SUMO3: variants seen among roughly 807,000 people sequenced by gnomAD.
The protein encoded by SUMO3 is small ubiquitin-related modifier 3.
A neutral mutation model predicts 11.1 loss-of-function variants in SUMO3; 2 were observed. The observed-to-expected ratio is 0.18, with a 90% confidence interval of 0.07 to 0.57. The LOEUF (loss-of-function observed/expected upper bound fraction) is 0.57, where lower values mean the gene tolerates loss of function less well. Among genes scored for constraint, SUMO3 ranks in the 20% least tolerant of loss-of-function variants. The pLI is 0.92. For synonymous variants in SUMO3, 56 were observed against 53.5 expected (o/e 1.05, Z -0.20); for missense variants, 70 against 132.8 (o/e 0.53, Z 2.32).
intron 3 of SUMO3, among the ~76,000 whole-genome samples, chr21:44,808,727 A>T (rs2083193221): frequency 6.6e-6 from 1 of 152,196 alleles, no homozygotes; most frequent in Non-Finnish European, 1.5e-5. Flanking sequence ...CCTAAGCTGC[A>T]CACGGGCTAC....
chr21:44,806,894 G>A lies in SUMO3; in HGVS notation c.*57C>T, dbSNP rs776123573. 2.7e-5 allele frequency: 44 copies of A among 1,608,484 alleles called. No individual in the cohort carries two copies. The Admixed American group carries it at 2.9e-4, about 10-fold the overall frequency. ...ACACCTTTGTGGTCGGCATGGTCAC[G>A]TGCTCACCATTCAACAGCAATGCGA... is the stretch of plus-strand genomic sequence containing the variant. On this transcript the variant is annotated 3_prime_UTR_variant, in exon 4 of 4. Transcript: ENST00000332859.
At chr21:44,808,604 C>G in intron 3 of SUMO3, 1 of 1,369,584 alleles carries the variant, frequency 7.3e-7, no homozygotes, top group South Asian at 1.9e-5. Flanking sequence ...TTCATGTCTG[C>G]ATGTGCCTGA....
At position 44,811,446 on chromosome 21, in the gene SUMO3, C is replaced by A. The variant is rs1241150632; in HGVS notation, c.151-2328G>T. 6.6e-6 allele frequency among the ~76,000 whole-genome samples: 1 copy of A among 151,940 alleles called. No individual in the cohort carries two copies. Among genetic ancestry groups the A allele is most frequent in the East Asian group, 1.9e-4 (1 of 5,194 alleles). On this transcript the variant is annotated intron_variant, in intron 2 of 3. Coordinates refer to ENST00000332859, the MANE Select transcript of SUMO3 (RefSeq NM_006936.3). The surrounding 1 kb of genome is among the most constrained non-coding windows in gnomAD (Gnocchi z 5.0). ...AATGAGCCAGGCGTGGTGGCGTGTA[C>A]CTGGAGTCCCACCTACTCGGGAGGC... is the stretch of plus-strand genomic sequence containing the variant.
chr21:44,816,690 G>A (rs2083245448), intron 1 of SUMO3, among the ~76,000 whole-genome samples: 1 of 152,094 alleles, frequency 6.6e-6, no homozygotes, highest in Non-Finnish European at 1.5e-5. Flanking sequence ...CTCCCGAGAA[G>A]GAATGGCCAG....
intron 2 of SUMO3, 77 bp from the exon 3 acceptor site, chr21:44,809,195 G>A: frequency 7.0e-7 from 1 of 1,423,138 alleles, no homozygotes; most frequent in South Asian, 1.2e-5. Context: ...TAGTCTCACT[G>A]ACAAGCCCTG....
Position 44,807,823 on chromosome 21 carries a change from C to G in SUMO3, c.223-783G>C, listed in dbSNP as rs965501134. On this transcript the variant is annotated intron_variant, in intron 3 of 3. Transcript: ENST00000332859. The surrounding 1 kb of genome is among the most constrained non-coding windows in gnomAD (Gnocchi z 4.3). ...TCTCGGTCCACCTGTCCACAGCCAGCCCCCTGACCCCCAGTCAAGCCCCAG... is the reference window on the plus strand; with the variant it reads ...TCTCGGTCCACCTGTCCACAGCCAGGCCCCTGACCCCCAGTCAAGCCCCAG... 2.0e-5 allele frequency among the ~76,000 whole-genome samples: 3 copies of G among 152,190 alleles called. No individual in the cohort carries two copies. The highest frequency in any genetic ancestry group is 4.8e-5 in the African/African-American group (2 of 41,456).
Position 44,806,606 on chromosome 21 carries a change from T to G in SUMO3, c.*345A>C. The G allele has an allele frequency of 6.5e-6, 2 of 307,046 alleles. No homozygotes were observed. Among genetic ancestry groups the G allele is most frequent in the Non-Finnish European group, 6.1e-6 (1 of 164,162 alleles). The allele number at this position is 307,046 out of a possible 1,614,324, so 19.0% of individuals were successfully genotyped here. On this transcript the variant is annotated 3_prime_UTR_variant, in exon 4 of 4. Coordinates refer to ENST00000332859, the MANE Select transcript of SUMO3 (RefSeq NM_006936.3). ...AGGGGAGAGGCAACCAACTCAGGAG[T>G]CAGATCCCTGGCCAGACTAAAAGCG...
chr21:44,812,528 G>T (rs1004770476), intron 2 of SUMO3, among the ~76,000 whole-genome samples: 1 of 152,232 alleles, frequency 6.6e-6, no homozygotes, highest in African/African-American at 2.4e-5. Flanking sequence ...GCCATGCAGT[G>T]TCTCAAAGAC....
At position 44,817,955 on chromosome 21, in the gene SUMO3, T is replaced by G. The variant is rs1031147238; in HGVS notation, c.14A>C (p.Lys5Thr). Residue 5 changes from lysine (K) to threonine (T), a missense_variant, in exon 1 of 4, where the codon AAG (lysine) becomes ACG (threonine). Physicochemically the swap from Lys to Thr is moderately conservative, Grantham distance 78. Coordinates refer to ENST00000332859, the MANE Select transcript of SUMO3 (RefSeq NM_006936.3). Reference sequence around the variant, plus strand: ...CGGGGTCGCCGCGCTTACCTTGGGCTTCTCCTCGGACATGGCTGCGCGAGC... The same window carrying G: ...CGGGGTCGCCGCGCTTACCTTGGGCGTCTCCTCGGACATGGCTGCGCGAGC... MSEE[K>T]PKEGVKTEND... 2 of 1,066,894 alleles carry G rather than the reference T, an allele frequency of 1.9e-6. No individual in the cohort carries two copies. The highest frequency in any genetic ancestry group is 6.5e-5 in the African/African-American group (2 of 30,570). 66.1% of individuals were successfully genotyped at this position (1,066,894 alleles called of 1,614,324 possible).
chr21:44,813,220 A>G (rs2083222822), intron 2 of SUMO3, among the ~76,000 whole-genome samples: 1 of 152,214 alleles, frequency 6.6e-6, no homozygotes, highest in Non-Finnish European at 1.5e-5. Flanking sequence ...AGCAGCCTCT[A>G]GGTCCCACTC....
rs897570963 is a variant in SUMO3, at chr21:44,813,960, G to C, written c.150+16C>G. The C allele has an allele frequency of 1.1e-5, 17 of 1,608,382 alleles. No individual in the cohort carries two copies. The highest frequency in any genetic ancestry group is 1.4e-5 in the Non-Finnish European group (16 of 1,179,928). ...GCGCACACGGGGAGGCTCTGCGGGG[G>C]AGCAAGGTGCCGCACCTGCCTCTCG... On this transcript the variant is annotated intron_variant, in intron 2 of 3. Transcript: ENST00000332859.
chr21:44,812,649 TAGA>T (rs2083219045), intron 2 of SUMO3, among the ~76,000 whole-genome samples: 1 of 152,078 alleles, frequency 6.6e-6, no homozygotes, highest in African/African-American at 2.4e-5. Context: ...CCCAAGTTTC[TAGA>T]AGGATTTGAA....
At chr21:44,815,791 C>T (rs2083240346) in intron 1 of SUMO3, among the ~76,000 whole-genome samples, 1 of 72,954 alleles carries the variant, frequency 1.4e-5, no homozygotes, top group Non-Finnish European at 2.6e-5. Flanking sequence ...AGTGCCTCTG[C>T]TCCAAACAGA....
chr21:44,818,026 C>A lies in SUMO3; in HGVS notation c.-58G>T. On this transcript the variant is annotated 5_prime_UTR_variant, in exon 1 of 4. Transcript: ENST00000332859. ...GGGAAGCAGCGCGGAGCGGGCGAGT[C>A]ACGCTCTCGGCCCCGCCGCTCTCCC... 1 of 1,163,666 alleles carries A rather than the reference C, an allele frequency of 8.6e-7. No individual in the cohort carries two copies. Among genetic ancestry groups the A allele is most frequent in the Non-Finnish European group, 1.1e-6 (1 of 941,308 alleles). 72.1% of individuals were successfully genotyped at this position (1,163,666 alleles called of 1,614,324 possible).
intron 1 of SUMO3, among the ~76,000 whole-genome samples, chr21:44,816,741 G>A (rs1251191328): frequency 1.3e-5 from 2 of 152,098 alleles, no homozygotes; most frequent in African/African-American, 2.4e-5. Flanking sequence ...ACTGAGACTG[G>A]AGGGAGGCAC....
intron 2 of SUMO3, among the ~76,000 whole-genome samples, chr21:44,813,129 G>A (rs1569308882): frequency 6.6e-6 from 1 of 152,220 alleles, no homozygotes; most frequent in Non-Finnish European, 1.5e-5. Context: ...GAAAGAGGAG[G>A]AAATCTAACT....
Position 44,813,400 on chromosome 21 carries a change from G to A in SUMO3, c.150+576C>T, listed in dbSNP as rs573872479. Reference sequence around the variant, plus strand: ...AGAACAACAGACACACACACACCACGTCACAAACAGCAGCCAGAAGGCATC... The same window carrying A: ...AGAACAACAGACACACACACACCACATCACAAACAGCAGCCAGAAGGCATC... On this transcript the variant is annotated intron_variant, in intron 2 of 3. Transcript: ENST00000332859. 2.6e-4 allele frequency: 49 copies of A among 187,612 alleles called. 1 individual carries two copies. The East Asian group carries it at 4.0e-3, about 15-fold the overall frequency. 11.6% of individuals were successfully genotyped at this position (187,612 alleles called of 1,614,324 possible).
intron 1 of SUMO3, among the ~76,000 whole-genome samples, chr21:44,815,927 G>A (rs982661976): frequency 6.6e-6 from 1 of 152,194 alleles, no homozygotes; most frequent in African/African-American, 2.4e-5. Flanking sequence ...AGCTATCCAG[G>A]GAAGTCAGAA....
At chr21:44,813,655 A>G (rs1825129329) in intron 2 of SUMO3, 3 of 704,104 alleles carry the variant, frequency 4.3e-6, no homozygotes, top group Admixed American at 3.0e-5. Context: ...AGGGCCCCCA[A>G]GAGCCTTCAG....
Sources: gnomAD v4.1 joint callset for allele counts (sites outside exome capture counted in the v4.1 genomes callset) on GRCh38, gnomAD v4.1.1 for gene constraint, Gnocchi (gnomAD v3.1) non-coding constraint, MANE v1.5 for transcripts, NCBI Gene and HGNC (gene_info 2026-07-23, HGNC 2026-07-21) for gene names.